INPP5A: variants seen among roughly 807,000 people sequenced by gnomAD.
INPP5A encodes inositol polyphosphate-5-phosphatase A.
Under a neutral mutation model 65.2 loss-of-function variants are expected in INPP5A, and 14 were observed. The ratio of observed to expected loss-of-function variants is 0.21; its 90% CI spans 0.14 to 0.34. INPP5A has a LOEUF of 0.34. Ranked by LOEUF, INPP5A falls within the 10% of genes least tolerant of loss-of-function variation. INPP5A has a pLI of 1.00. For synonymous variants in INPP5A, 207 were observed against 208.3 expected (o/e 0.99, Z 0.05); for missense variants, 431 against 545.6 (o/e 0.79, Z 2.09).
chr10:132,592,197 C>T (rs2071628031), intron 1 of INPP5A, among the ~76,000 whole-genome samples: 1 of 152,068 alleles, frequency 6.6e-6, no homozygotes, highest in African/African-American at 2.4e-5. Context: ...GAAATGGCAA[C>T]AGTTTGAAAA....
At chr10:132,670,584 G>T (rs572235818) in intron 4 of INPP5A, among the ~76,000 whole-genome samples, 1 of 151,132 alleles carries the variant, frequency 6.6e-6, no homozygotes, top group South Asian at 2.1e-4. Flanking sequence ...GAGTGGTTGG[G>T]GCACACCTGT....
rs187951778 is a variant in INPP5A, at chr10:132,637,682, C to T, written c.118-8186C>T. ...TCTGTCATGACTGTTCTGTGCTTTG[C>T]CTTTGCCGCCCCCGAGGTTGATGGG... is the stretch of plus-strand genomic sequence containing the variant. On this transcript the variant is annotated intron_variant, in intron 2 of 15. Transcript: ENST00000368594. This position sits in a 1 kb window ranked among gnomAD's most constrained non-coding sequence, Gnocchi z 4.1. Among the ~76,000 whole-genome samples, 95 of 152,280 alleles carry T rather than the reference C, an allele frequency of 6.2e-4. No individual in the cohort carries two copies. The highest frequency in any genetic ancestry group is 2.1e-3 in the African/African-American group (87 of 41,552).
chr10:132,759,611 C>T (rs926271379), intron 11 of INPP5A, among the ~76,000 whole-genome samples: 1 of 151,956 alleles, frequency 6.6e-6, no homozygotes, highest in Non-Finnish European at 1.5e-5. Context: ...CAGGCACCCC[C>T]ATTCCTGCTA....
At chr10:132,571,944 A>G (rs1320817248) in intron 1 of INPP5A, among the ~76,000 whole-genome samples, 2 of 152,110 alleles carry the variant, frequency 1.3e-5, no homozygotes, top group Non-Finnish European at 2.9e-5. Flanking sequence ...CACCCTGACC[A>G]CCACCTCTGT....
Position 132,782,193 on chromosome 10 carries a change from G to A in INPP5A, c.*164G>A, listed in dbSNP as rs1591012626. 9.3e-7 allele frequency: 1 copy of A among 1,072,016 alleles called. No individual in the cohort carries two copies. Among genetic ancestry groups the A allele is most frequent in the Non-Finnish European group, 1.4e-6 (1 of 732,106 alleles). The allele number at this position is 1,072,016 out of a possible 1,614,324, so 66.4% of individuals were successfully genotyped here. A position where few individuals can be genotyped will look rare whatever the true frequency, so the allele number is the denominator to read the frequency against. ...GCTTCAGCCTCCGGACCATTCCGGA[G>A]CAGCCTCACATACCTCACTGTCTCG... is the stretch of plus-strand genomic sequence containing the variant. On this transcript the variant is annotated 3_prime_UTR_variant, in exon 16 of 16. Transcript: ENST00000368594. This position sits in a 1 kb window ranked among gnomAD's most constrained non-coding sequence, Gnocchi z 4.4.
At chr10:132,541,210 C>G (rs2070902581) in intron 1 of INPP5A, among the ~76,000 whole-genome samples, 1 of 152,058 alleles carries the variant, frequency 6.6e-6, no homozygotes, top group Non-Finnish European at 1.5e-5. Context: ...ACTCCTGGGC[C>G]CAAGCAATCC....
chr10:132,602,111 TATCTGAATTTCTTTCAGCA>T (rs1367252412), intron 1 of INPP5A, among the ~76,000 whole-genome samples: 1 of 152,234 alleles, frequency 6.6e-6, no homozygotes, highest in Admixed American at 6.5e-5. Context: ...ATGGAATGGA[TATCTGAATTTCTTTCAGCA>T]ACATTATGTA....
At chr10:132,646,275 G>A (rs2133392031) in intron 3 of INPP5A, among the ~76,000 whole-genome samples, 1 of 152,344 alleles carries the variant, frequency 6.6e-6, no homozygotes, top group South Asian at 2.1e-4. Flanking sequence ...GTGTGTGTCT[G>A]AGGCCTGGGC....
intron 1 of INPP5A, among the ~76,000 whole-genome samples, chr10:132,595,339 A>AT (rs34894512): frequency 0.25 from 37,458 of 152,154 alleles, 5,457 homozygotes; most frequent in East Asian, 0.5. Flanking sequence ...TGTTCAATCC[A>AT]TTTTTTTAGA....
rs774552431 is a variant in INPP5A at position 132,750,754 on chromosome 10, C to T, written c.903+909C>T. Among the ~76,000 whole-genome samples the T allele has an allele frequency of 2.0e-4, 31 of 152,210 alleles. 1 individual carries two copies. The highest frequency in any genetic ancestry group is 5.9e-5 in the Non-Finnish European group (4 of 68,042). On this transcript the variant is annotated intron_variant, in intron 11 of 15. Coordinates refer to ENST00000368594, the MANE Select transcript of INPP5A (RefSeq NM_005539.5). ...GAGCCAGCATCCAAGATCTGGAAAC[C>T]TCGGCATCAGTTCCTAGGGCGCTCC...
chr10:132,761,212 G>T (rs1046265169), intron 11 of INPP5A, among the ~76,000 whole-genome samples: 1 of 152,190 alleles, frequency 6.6e-6, no homozygotes, highest in African/African-American at 2.4e-5. Flanking sequence ...CTATGAACTT[G>T]CATCTCCAGC....
At chr10:132,583,472 T>C (rs1173198577) in intron 1 of INPP5A, among the ~76,000 whole-genome samples, 1 of 152,138 alleles carries the variant, frequency 6.6e-6, no homozygotes, top group Admixed American at 6.5e-5. Flanking sequence ...CTTTCTGCCA[T>C]GCTCTTCCTT....
chr10:132,613,854 G>A (rs1311282218), intron 2 of INPP5A, among the ~76,000 whole-genome samples: 2 of 152,220 alleles, frequency 1.3e-5, no homozygotes, highest in African/African-American at 2.4e-5. Context: ...GAGATGCCTC[G>A]ACACTGGGCC....
chr10:132,575,001 G>A lies in INPP5A; in HGVS notation c.76-32914G>A, dbSNP rs1237028319. On this transcript the variant is annotated intron_variant, in intron 1 of 15. Coordinates refer to ENST00000368594, the MANE Select transcript of INPP5A (RefSeq NM_005539.5). This position sits in a 1 kb window ranked among gnomAD's most constrained non-coding sequence, Gnocchi z 5.4. Reference sequence around the variant, plus strand: ...GAAGCCTGCAGCCCACCTGACGATAGAAACGCAAAGCACACCTCAGCATAT... The same window carrying A: ...GAAGCCTGCAGCCCACCTGACGATAAAAACGCAAAGCACACCTCAGCATAT... Among the ~76,000 whole-genome samples the A allele has an allele frequency of 1.3e-5, 2 of 152,154 alleles. No individual in the cohort carries two copies. Among genetic ancestry groups the A allele is most frequent in the Non-Finnish European group, 2.9e-5 (2 of 68,032 alleles).
intron 12 of INPP5A, among the ~76,000 whole-genome samples, chr10:132,774,237 G>A (rs529310072): frequency 2.2e-3 from 337 of 152,348 alleles, no homozygotes; most frequent in African/African-American, 7.7e-3. Flanking sequence ...CATTGCCAGT[G>A]GTGCCTGCAG....
intron 1 of INPP5A, among the ~76,000 whole-genome samples, chr10:132,594,129 C>A (rs911391400): frequency 6.6e-6 from 1 of 152,298 alleles, no homozygotes; most frequent in African/African-American, 2.4e-5. Flanking sequence ...TTTGCACATA[C>A]GCTGTCTTCA....
chr10:132,547,945 G>C lies in INPP5A; in HGVS notation c.75+9774G>C, dbSNP rs2071000189. ...TTAAGATGGACACTCCATCACCCAG[G>C]CTGGAGTACAATGGCGTGATCTCAC... is the stretch of plus-strand genomic sequence containing the variant. On this transcript the variant is annotated intron_variant, in intron 1 of 15. Transcript: ENST00000368594. This position sits in a 1 kb window ranked among gnomAD's most constrained non-coding sequence, Gnocchi z 5.5. Among the ~76,000 whole-genome samples the C allele has an allele frequency of 1.3e-5, 2 of 151,748 alleles. No homozygotes were observed. Among genetic ancestry groups the C allele is most frequent in the African/African-American group, 4.8e-5 (2 of 41,272 alleles).
intron 11 of INPP5A, among the ~76,000 whole-genome samples, chr10:132,752,091 A>T (rs1455651027): frequency 6.7e-6 from 1 of 148,672 alleles, no homozygotes; most frequent in Non-Finnish European, 1.5e-5. Context: ...GGTGCCCAGG[A>T]GGTGTCTGGG....
At chr10:132,777,980 A>G in intron 13 of INPP5A, 198 bp downstream of exon 13, 1 of 1,392,688 alleles carries the variant, frequency 7.2e-7, no homozygotes, top group Non-Finnish European at 9.4e-7. Flanking sequence ...GGGCTGGGGC[A>G]GCAGCAGATG....
Sources: allele counts gnomAD v4.1 joint callset (sites outside exome capture counted in the v4.1 genomes callset), GRCh38; gene constraint gnomAD v4.1.1; non-coding constraint Gnocchi (gnomAD v3.1); transcripts MANE v1.5; gene names NCBI Gene and HGNC (gene_info 2026-07-23, HGNC 2026-07-21).